Variants in CEP350 observed in about 807,000 individuals in gnomAD.
CEP350 encodes the protein centrosome-associated protein 350.
In CEP350, 126 loss-of-function variants were observed where a neutral mutation model predicts 331.8. The observed-to-expected ratio is 0.38, with a 90% CI of 0.33 to 0.44. CEP350 has a LOEUF of 0.44. Ranked by LOEUF, CEP350 falls within the 20% of genes least tolerant of loss-of-function variation. CEP350 has a pLI of 1.00. For synonymous variants in CEP350, 1,200 were observed against 1,259.5 expected (o/e 0.95, Z 1.00); for missense variants, 3,406 against 3,634.6 (o/e 0.94, Z 1.62).
At chr1:180,049,117 T>A (rs1238145809) in intron 22 of CEP350, among the ~76,000 whole-genome samples, 3 of 152,190 alleles carry the variant, frequency 2.0e-5, no homozygotes, top group Non-Finnish European at 4.4e-5. Flanking sequence ...GAAACTGTGT[T>A]CCAGTGTTTT....
chr1:180,006,712 A>C, intron 8 of CEP350, 145 bp downstream of exon 8: 1 of 575,612 alleles, frequency 1.7e-6, no homozygotes. Flanking sequence ...GTACCCATTA[A>C]CCCGTCATCT....
rs1650049736 is a variant in CEP350, at chr1:179,954,906, G to C, written c.-250G>C. Reference sequence around the variant, plus strand: ...CCTGCGCCAGAGAGAACTGCAGGGAGCCGCAGCTCGGGGGGTGGCTTGCCC... The same window carrying C: ...CCTGCGCCAGAGAGAACTGCAGGGACCCGCAGCTCGGGGGGTGGCTTGCCC... On this transcript the variant is annotated 5_prime_UTR_variant, in exon 1 of 38. Coordinates refer to ENST00000367607, the MANE Select transcript of CEP350 (RefSeq NM_014810.5). The C allele has an allele frequency of 3.3e-6, 2 of 610,470 alleles. No homozygotes were observed. The highest frequency in any genetic ancestry group is 3.9e-5 in the African/African-American group (2 of 51,758). 37.8% of individuals were successfully genotyped at this position (610,470 alleles called of 1,614,324 possible). A position where few individuals can be genotyped will look rare whatever the true frequency, so the allele number is the denominator to read the frequency against.
chr1:180,028,359 A>G (rs1655806546), intron 14 of CEP350, among the ~76,000 whole-genome samples: 1 of 152,196 alleles, frequency 6.6e-6, no homozygotes, highest in Non-Finnish European at 1.5e-5. Flanking sequence ...CTCAATTCTT[A>G]TTTTGCAATT....
At chr1:180,028,397 C>T (rs1291071237) in intron 14 of CEP350, among the ~76,000 whole-genome samples, 1 of 152,180 alleles carries the variant, frequency 6.6e-6, no homozygotes, top group Non-Finnish European at 1.5e-5. Flanking sequence ...TAGTGTCTCA[C>T]CTAAGGTCAC....
rs552684875 is a variant in CEP350, at chr1:180,084,599, C to T, written c.6285+421C>T. Among the ~76,000 whole-genome samples, 36 of 152,246 alleles carry T rather than the reference C, an allele frequency of 2.4e-4. 1 individual carries two copies. Among genetic ancestry groups the T allele is most frequent in the Admixed American group, 2.2e-3 (34 of 15,290 alleles). On this transcript the variant is annotated intron_variant, in intron 31 of 37. Transcript: ENST00000367607. Reference sequence around the variant, plus strand: ...GAGGATGGTCTCGATCTCCTGACCTCGTGATCCCCCTGCCTCGGCCTCCCA... The same window carrying T: ...GAGGATGGTCTCGATCTCCTGACCTTGTGATCCCCCTGCCTCGGCCTCCCA...
chr1:180,103,830 G>A (rs1339339897), intron 37 of CEP350, among the ~76,000 whole-genome samples: 1 of 151,326 alleles, frequency 6.6e-6, no homozygotes, highest in Admixed American at 6.6e-5. Context: ...CATAGCGCTT[G>A]CCCCTCTTTT....
At chr1:179,984,240 C>T (rs181575894) in intron 1 of CEP350, among the ~76,000 whole-genome samples, 5 of 152,286 alleles carry the variant, frequency 3.3e-5, no homozygotes, top group African/African-American at 1.2e-4. Flanking sequence ...CATAACCTCC[C>T]ACCCCAATTT....
At position 180,078,509 on chromosome 1, in the gene CEP350, A is replaced by G; in HGVS notation, c.5814A>G (p.Leu1938=). Residue 1938 remains leucine (L), a synonymous_variant, in exon 29 of 38, where the codon CTA becomes CTG. Transcript: ENST00000367607. The stretch of plus-strand genomic sequence containing the variant: ...CTCCAGTACCTCTGTACTCTCATCT[A>G]AACAGTGAAAGCTCCATTCCAGAAG... ...EESPVPLYSH[L]NSESSIPEEL... The G allele has an allele frequency of 6.2e-7, 1 of 1,613,588 alleles. No homozygotes were observed. The highest frequency in any genetic ancestry group is 8.5e-7 in the Non-Finnish European group (1 of 1,179,736).
chr1:180,007,478 A>G (rs545672202), intron 8 of CEP350, among the ~76,000 whole-genome samples: 1 of 152,160 alleles, frequency 6.6e-6, no homozygotes, highest in South Asian at 2.1e-4. Flanking sequence ...AAATTTGTTT[A>G]AGTTCCTTGT....
chr1:179,975,909 C>T (rs963965266), intron 1 of CEP350, among the ~76,000 whole-genome samples: 1 of 151,832 alleles, frequency 6.6e-6, no homozygotes, highest in Non-Finnish European at 1.5e-5. Context: ...ACAAGAGGCC[C>T]AGGAAAAAGC....
chr1:180,013,002 G>T (rs1283647642), intron 9 of CEP350, among the ~76,000 whole-genome samples: 1 of 152,150 alleles, frequency 6.6e-6, no homozygotes, highest in Non-Finnish European at 1.5e-5. Context: ...AATCTCTAGG[G>T]CTTCAGAATA....
intron 1 of CEP350, among the ~76,000 whole-genome samples, chr1:179,957,356 T>C (rs570100999): frequency 5.3e-5 from 8 of 152,282 alleles, no homozygotes; most frequent in Admixed American, 2.0e-4. Context: ...TTTAGTGTTA[T>C]AGTGTAAAAA....
At chr1:180,104,911 T>C (rs924306353) in intron 37 of CEP350, among the ~76,000 whole-genome samples, 4 of 152,280 alleles carry the variant, frequency 2.6e-5, no homozygotes, top group Non-Finnish European at 5.9e-5. Context: ...CCCCGCATTA[T>C]ACATTTTCTC....
rs1487368137 is a variant in CEP350 at position 180,015,836 on chromosome 1, C to T, written c.2053-13C>T. 4 of 1,609,888 alleles carry T rather than the reference C, an allele frequency of 2.5e-6. No homozygotes were observed. The highest frequency in any genetic ancestry group is 3.4e-6 in the Non-Finnish European group (4 of 1,177,796). On this transcript the variant is annotated splice_polypyrimidine_tract_variant and intron_variant, in intron 10 of 37. Coordinates refer to ENST00000367607, the MANE Select transcript of CEP350 (RefSeq NM_014810.5). ...GACAGAACTCATATAAATTTGATGT[C>T]CTTTTCTCCTAGGCCAAACCAGGGT...
chr1:179,982,442 T>C (rs35490245), intron 1 of CEP350, among the ~76,000 whole-genome samples: 2,213 of 152,356 alleles, frequency 0.015, 27 homozygotes, highest in Non-Finnish European at 0.022. Context: ...TGTCATACTT[T>C]TAATATTTAG....
rs764741019 is a variant in CEP350 at position 180,087,618 on chromosome 1, G to A, written c.6326G>A (p.Ser2109Asn). The A allele has an allele frequency of 1.3e-6, 2 of 1,549,382 alleles. No homozygotes were observed. The highest frequency in any genetic ancestry group is 1.7e-6 in the Non-Finnish European group (2 of 1,144,984). ...EFIKKTEAEL[S>N]QDLETSPTAK... ...ATTAAGAAAACTGAAGCCGAGCTTA[G>A]CCAAGATTTGGAAACATCACCAACA... Residue 2109 changes from serine to asparagine, a missense_variant, in exon 32 of 38, where the codon AGC becomes AAC. Ser to Asn is a conservative substitution (Grantham distance 46). Coordinates refer to ENST00000367607, the MANE Select transcript of CEP350 (RefSeq NM_014810.5).
chr1:180,019,750 T>C (rs1655199108), intron 11 of CEP350, among the ~76,000 whole-genome samples, 199 bp from the exon 12 acceptor site: 1 of 152,202 alleles, frequency 6.6e-6, no homozygotes, highest in Admixed American at 6.5e-5. Flanking sequence ...GAAAAATGTT[T>C]GGAAGGATAT....
intron 22 of CEP350, among the ~76,000 whole-genome samples, chr1:180,049,122 T>C (rs780237782): frequency 3.3e-5 from 5 of 152,206 alleles, no homozygotes; most frequent in Non-Finnish European, 7.4e-5. Flanking sequence ...TGTGTTCCAG[T>C]GTTTTGGAAT....
rs758998141 is a variant in CEP350, at chr1:180,095,919, G to A, written c.8908G>A (p.Val2970Ile). ...AGATATAGAAAGCACTAGTAAAAGG[G>A]TCTACAAACAGGTAGGTGAAATAAA... is the stretch of plus-strand genomic sequence containing the variant. ...GLDIESTSKR[V>I]YKQAVFDLTK... The change falls in exon 35 of 38, where the codon GTC (valine) becomes ATC (isoleucine). Residue 2970 changes from valine (V) to isoleucine (I), a missense_variant. Val to Ile is a conservative substitution (Grantham distance 29, BLOSUM62 3). Around this residue, in one of 5 missense-constraint regions of CEP350, gnomAD observed 1,415 missense variants for 1,512.3 expected, o/e 0.94. Transcript: ENST00000367607. 6.3e-7 allele frequency: 1 copy of A among 1,597,352 alleles called. No individual in the cohort carries two copies. The highest frequency in any genetic ancestry group is 1.7e-4 in the Middle Eastern group (1 of 5,936).
Sources: allele counts gnomAD v4.1 joint callset (sites outside exome capture counted in the v4.1 genomes callset), GRCh38; gene constraint gnomAD v4.1.1; regional missense constraint gnomAD v4.1.1; transcripts MANE v1.5; gene names NCBI Gene and HGNC (gene_info 2026-07-23, HGNC 2026-07-21).